The following PPP2R2B variants were observed in gnomAD, a reference collection of about 807,000 sequenced individuals.
PPP2R2B encodes protein phosphatase 2 regulatory subunit Bbeta, also known as serine/threonine-protein phosphatase 2A 55 kDa regulatory subunit B beta isoform.
A neutral mutation model predicts 46.0 loss-of-function variants in PPP2R2B; 5 were observed. The observed-to-expected ratio is 0.11, with a 90% CI of 0.06 to 0.23. The LOEUF (loss-of-function observed/expected upper bound fraction) is 0.23, where lower values mean the gene tolerates loss of function less well. Among genes scored for constraint, PPP2R2B ranks in the 10% least tolerant of loss-of-function variants. The pLI, the probability that PPP2R2B is intolerant of heterozygous loss-of-function variation, is 1.00. For missense variants in PPP2R2B, 367 were observed against 575.0 expected, an observed-to-expected ratio of 0.64 and a Z score of 3.70; for synonymous variants, 215 against 206.7, an observed-to-expected ratio of 1.04 and a Z score of -0.34.
At chr5:146,911,871 G>A (rs1361609427) in intron 1 of PPP2R2B, among the ~76,000 whole-genome samples, 1 of 152,146 alleles carries the variant, frequency 6.6e-6, no homozygotes, top group Non-Finnish European at 1.5e-5. Context: ...CTATACTTAG[G>A]GTTTTTTCAG....
chr5:146,658,877 T>A (rs947310118), intron 5 of PPP2R2B, among the ~76,000 whole-genome samples: 15 of 152,230 alleles, frequency 9.9e-5, no homozygotes, highest in Admixed American at 9.8e-4. Flanking sequence ...CTTTTTATAT[T>A]TATTCATCAT....
chr5:146,590,938 A>AGAT (rs1269479851), intron 9 of PPP2R2B, among the ~76,000 whole-genome samples: 2 of 152,240 alleles, frequency 1.3e-5, no homozygotes, highest in Non-Finnish European at 2.9e-5. Flanking sequence ...CTTAATGGAC[A>AGAT]GATGGTTTCC....
At chr5:146,800,100 A>T (rs1483632781) in intron 2 of PPP2R2B, among the ~76,000 whole-genome samples, 3 of 152,188 alleles carry the variant, frequency 2.0e-5, no homozygotes, top group Non-Finnish European at 2.9e-5. Flanking sequence ...TAAGGAAGTC[A>T]ATTCAATCAT....
intron 2 of PPP2R2B, among the ~76,000 whole-genome samples, chr5:146,731,482 T>G (rs1752226886): frequency 6.6e-6 from 1 of 152,242 alleles, no homozygotes; most frequent in East Asian, 1.9e-4. Flanking sequence ...CCAACTTGCA[T>G]TTCTGTATAT....
At chr5:146,750,724 T>C (rs1385978400) in intron 2 of PPP2R2B, among the ~76,000 whole-genome samples, 1 of 152,194 alleles carries the variant, frequency 6.6e-6, no homozygotes, top group Non-Finnish European at 1.5e-5. Flanking sequence ...GTTAAGAACA[T>C]GGGCACAGCA....
intron 2 of PPP2R2B, among the ~76,000 whole-genome samples, chr5:146,746,814 A>G (rs1013132828): frequency 1.3e-5 from 2 of 152,202 alleles, no homozygotes; most frequent in African/African-American, 4.8e-5. Flanking sequence ...ACATGCATTT[A>G]TCTTATTAAA....
intron 1 of PPP2R2B, among the ~76,000 whole-genome samples, chr5:146,982,799 C>T (rs1753235499): frequency 6.6e-6 from 1 of 151,810 alleles, no homozygotes; most frequent in South Asian, 2.1e-4. Context: ...TTCTCTGTCT[C>T]TTTAAATTTA....
intron 2 of PPP2R2B, among the ~76,000 whole-genome samples, chr5:146,841,744 G>T (rs1432432823): frequency 6.6e-6 from 1 of 152,076 alleles, no homozygotes. Flanking sequence ...GAGAACACAT[G>T]AACACAGGAG....
At chr5:146,956,442 T>A (rs1218850171) in intron 1 of PPP2R2B, among the ~76,000 whole-genome samples, 2 of 152,186 alleles carry the variant, frequency 1.3e-5, no homozygotes, top group Non-Finnish European at 2.9e-5. Context: ...TTTATCCACT[T>A]TTGTTTCACC....
intron 2 of PPP2R2B, among the ~76,000 whole-genome samples, chr5:146,788,504 G>A (rs1294603805): frequency 3.3e-5 from 5 of 152,142 alleles, no homozygotes; most frequent in Admixed American, 6.5e-5. Flanking sequence ...GCCGAGGTGG[G>A]CAGACCACCT....
chr5:146,672,903 A>G (rs576724490), intron 5 of PPP2R2B, among the ~76,000 whole-genome samples: 45 of 152,372 alleles, frequency 3.0e-4, no homozygotes, highest in Non-Finnish European at 5.0e-4. Context: ...CTTGAAATAT[A>G]GAAAATGGGA....
rs527925390 is a variant in PPP2R2B at position 146,865,803 on chromosome 5, A to T, written c.70+12199T>A. 5.3e-5 allele frequency among the ~76,000 whole-genome samples: 8 copies of T among 152,236 alleles called. No individual in the cohort carries two copies. In the South Asian group the frequency reaches 8.3e-4, roughly 16 times the overall value. On this transcript the variant is annotated intron_variant, in intron 2 of 9. Coordinates refer to ENST00000394411, the MANE Select transcript of PPP2R2B (RefSeq NM_181675.4). ...TCCTCGCATACTTTTGCCTCCTAAC[A>T]TCACACAAGACTCTGCCTCCAATGA...
chr5:146,999,588 G>A (rs1754072265), intron 1 of PPP2R2B, among the ~76,000 whole-genome samples: 1 of 152,102 alleles, frequency 6.6e-6, no homozygotes, highest in African/African-American at 2.4e-5. Flanking sequence ...CCCTCTCAGG[G>A]GACCTTATGT....
chr5:146,700,631 G>C (rs917282893), intron 3 of PPP2R2B, among the ~76,000 whole-genome samples: 2 of 152,058 alleles, frequency 1.3e-5, no homozygotes, highest in Non-Finnish European at 2.9e-5. Context: ...GTCCCAAGTT[G>C]TCCTCTTCAC....
intron 2 of PPP2R2B, among the ~76,000 whole-genome samples, chr5:146,801,254 C>T (rs138482038): frequency 1.3e-5 from 2 of 152,152 alleles, no homozygotes; most frequent in Non-Finnish European, 2.9e-5. Flanking sequence ...ATCTGATGTA[C>T]AGCAATGTGA....
At chr5:146,952,177 C>A (rs1751645333) in intron 1 of PPP2R2B, among the ~76,000 whole-genome samples, 1 of 151,966 alleles carries the variant, frequency 6.6e-6, no homozygotes, top group Non-Finnish European at 1.5e-5. Context: ...GAATAACTCT[C>A]CCTTTCTTTC....
rs927978918 is a variant in PPP2R2B, at chr5:146,671,309, A to G, written c.447+19819T>C. Among the ~76,000 whole-genome samples, 4 of 152,156 alleles carry G rather than the reference A, an allele frequency of 2.6e-5. No individual in the cohort carries two copies. In the East Asian group the frequency reaches 7.7e-4, roughly 29 times the overall value. On this transcript the variant is annotated intron_variant, in intron 5 of 9. Coordinates refer to ENST00000394411, the MANE Select transcript of PPP2R2B (RefSeq NM_181675.4). ...AATATTGGGTCTTGAGAATAGAAAA[A>G]CACGTCTCTGTCCTTAGGTTGTCCA...
At chr5:146,992,718 A>G (rs1020593811) in intron 1 of PPP2R2B, among the ~76,000 whole-genome samples, 11 of 152,174 alleles carry the variant, frequency 7.2e-5, no homozygotes, top group Non-Finnish European at 1.3e-4. Flanking sequence ...GGCTTCCTAC[A>G]TGGAATTCTC....
intron 2 of PPP2R2B, among the ~76,000 whole-genome samples, chr5:146,860,936 T>G (rs1760947934): frequency 6.6e-6 from 1 of 152,074 alleles, no homozygotes; most frequent in Non-Finnish European, 1.5e-5. Flanking sequence ...GGCTCATTGC[T>G]AAAGCCTTTT....
Sources: gnomAD v4.1 joint callset for allele counts (sites outside exome capture counted in the v4.1 genomes callset) on GRCh38, gnomAD v4.1.1 for gene constraint, MANE v1.5 for transcripts, NCBI Gene and HGNC (gene_info 2026-07-23, HGNC 2026-07-21) for gene names.